The following SHANK1 variants were observed in gnomAD, a reference collection of about 807,000 sequenced individuals.
SHANK1 encodes the protein SH3 and multiple ankyrin repeat domains protein 1.
Under a neutral mutation model 165.6 loss-of-function variants are expected in SHANK1, and 35 were observed. That is an observed-to-expected ratio of 0.21 (90% CI 0.16 to 0.28). The LOEUF is 0.28. Among genes scored for constraint, SHANK1 ranks in the 10% least tolerant of loss-of-function variants. The pLI, the probability that SHANK1 is intolerant of heterozygous loss-of-function variation, is 1.00. For synonymous variants in SHANK1, 1,428 were observed against 1,384.8 expected (o/e 1.03, Z -0.69); for missense variants, 2,681 against 3,036.4 (o/e 0.88, Z 2.75).
At chr19:50,698,002 T>C (rs1212748795) in intron 12 of SHANK1, 46 bp from the exon 13 acceptor site, 44 of 1,388,762 alleles carry the variant, frequency 3.2e-5, no homozygotes, top group Non-Finnish European at 4.2e-5. Context: ...GTTTCTGTGC[T>C]GCCCCTCAAC....
rs781119957 is a variant in SHANK1 at position 50,666,491 on chromosome 19, T to A, written c.5469A>T (p.Pro1823=). The A allele has an allele frequency of 6.3e-7, 1 of 1,594,932 alleles. No homozygotes were observed. The highest frequency in any genetic ancestry group is 1.7e-5 in the Admixed American group (1 of 57,246). The change falls in exon 23 of 24, where the codon CCA becomes CCT. Residue 1823 remains proline, a synonymous_variant. Coordinates refer to ENST00000293441, the MANE Select transcript of SHANK1 (RefSeq NM_016148.5). The part of the protein sequence containing the change: ...GGPVAVEPEV[P]PVPLPTASSL... ...AGGAGGCCGTCGGCAAGGGCACCGG[T>A]GGGACTTCTGGCTCTACAGCCACCG...
intron 12 of SHANK1, among the ~76,000 whole-genome samples, chr19:50,700,914 A>G (rs1214642531): frequency 6.6e-6 from 1 of 152,044 alleles, no homozygotes; most frequent in African/African-American, 2.4e-5. Context: ...TTCACTCAAC[A>G]TATGTGCATT....
intron 8 of SHANK1, among the ~76,000 whole-genome samples, chr19:50,706,670 T>C (rs1455803335): frequency 6.6e-6 from 1 of 152,016 alleles, no homozygotes; most frequent in Non-Finnish European, 1.5e-5. Flanking sequence ...CCTCACTTCG[T>C]TCAGGCTTTT....
chr19:50,703,580 G>T lies in SHANK1; in HGVS notation c.1473C>A (p.Ser491Arg). 6.4e-7 allele frequency: 1 copy of T among 1,557,882 alleles called. No homozygotes were observed. Among genetic ancestry groups the T allele is most frequent in the Non-Finnish European group, 8.7e-7 (1 of 1,155,306 alleles). ...GAGAGCGGGCCCTGGCACCCCGGGG[G>T]CTGCTGGCACTTCGGAGGGTCCCGC... Reference protein sequence around the residue: ...LSSGTLRSASSPRGARARSPS... With the variant: ...LSSGTLRSASRPRGARARSPS... Residue 491 changes from serine (S) to arginine (R), a missense_variant, in exon 11 of 24, where the codon AGC (serine) becomes AGA (arginine). Transcript: ENST00000293441.
rs1297990731 is a variant in SHANK1, at chr19:50,703,573, C to T, written c.1480G>A (p.Gly494Ser). ...GTLRSASSPR[G>S]ARARSPSRGR... ...CGGGATGGAGAGCGGGCCCTGGCAC[C>T]CCGGGGGCTGCTGGCACTTCGGAGG... Residue 494 changes from glycine (G) to serine (S), a missense_variant, in exon 11 of 24, where the codon GGT becomes AGT. By Grantham distance (56) the Gly-to-Ser change is moderately conservative (BLOSUM62 0). This residue lies in a region of SHANK1 where 195 missense variants were observed against 186.2 expected (regional missense o/e 1.05). Coordinates refer to ENST00000293441, the MANE Select transcript of SHANK1 (RefSeq NM_016148.5). The T allele has an allele frequency of 1.9e-6, 3 of 1,556,302 alleles. No individual in the cohort carries two copies. The highest frequency in any genetic ancestry group is 2.4e-5 in the East Asian group (1 of 42,186).
chr19:50,661,701 C>G lies in SHANK1; in HGVS notation c.*264G>C. On this transcript the variant is annotated 3_prime_UTR_variant, in exon 24 of 24. Transcript: ENST00000293441. The stretch of plus-strand genomic sequence containing the variant: ...AGGCCCTTCCCTCCTTCTCAATTCC[C>G]CTCTGTAATTTCTCCTATCCCCCCT... The G allele has an allele frequency of 1.9e-6, 1 of 515,382 alleles. No homozygotes were observed. The highest frequency in any genetic ancestry group is 3.5e-6 in the Non-Finnish European group (1 of 286,720). 31.9% of individuals were successfully genotyped at this position (515,382 alleles called of 1,614,324 possible).
chr19:50,681,666 T>C (rs1986186669), intron 21 of SHANK1, among the ~76,000 whole-genome samples: 1 of 152,206 alleles, frequency 6.6e-6, no homozygotes, highest in African/African-American at 2.4e-5. Flanking sequence ...TTACACTCAG[T>C]CTGATACGCT....
chr19:50,685,293 G>C (rs1357211963), intron 21 of SHANK1, among the ~76,000 whole-genome samples: 1 of 152,212 alleles, frequency 6.6e-6, no homozygotes, highest in African/African-American at 2.4e-5. Flanking sequence ...GGCTGTGGCA[G>C]GACCATGGGT....
At chr19:50,695,188 A>G (rs889740955) in intron 15 of SHANK1, among the ~76,000 whole-genome samples, 1 of 119,128 alleles carries the variant, frequency 8.4e-6, no homozygotes, top group African/African-American at 3.1e-5. Context: ...GGGAGGGGGG[A>G]GGGGGAGGGG....
In SHANK1 at chr19:50,666,375, G is replaced by A. The variant is rs762867404; in HGVS notation, c.5585C>T (p.Ala1862Val). 4 of 1,613,604 alleles carry A rather than the reference G, an allele frequency of 2.5e-6. No homozygotes were observed. The East Asian group carries it at 8.9e-5, about 36-fold the overall frequency. ...PGPLAQPQASALATVKASIIS... is the reference protein window; with the variant it reads ...PGPLAQPQASVLATVKASIIS... The stretch of plus-strand genomic sequence containing the variant: ...GATGCTGGCTTTTACTGTGGCCAAG[G>A]CTGAGGCCTGAGGCTGGGCCAAGGG... The change falls in exon 23 of 24, where the codon GCC becomes GTC. Residue 1862 changes from alanine to valine, a missense_variant. By Grantham distance (64) the Ala-to-Val change is moderately conservative. Around this residue, in one of 10 missense-constraint regions of SHANK1, gnomAD observed 1,713 missense variants for 1,630.2 expected, o/e 1.05. Transcript: ENST00000293441.
At position 50,688,017 on chromosome 19, in the gene SHANK1, C is replaced by T; in HGVS notation, c.2214G>A (p.Val738=). 1 of 1,614,166 alleles carries T rather than the reference C, an allele frequency of 6.2e-7. No homozygotes were observed. Among genetic ancestry groups the T allele is most frequent in the Non-Finnish European group, 8.5e-7 (1 of 1,180,002 alleles). The change falls in exon 18 of 24, where the codon GTG becomes GTA. Residue 738 remains valine, a synonymous_variant. Transcript: ENST00000293441. The surrounding 1 kb of genome is among the most constrained non-coding windows in gnomAD (Gnocchi z 6.7). The part of the protein sequence containing the change: ...QNVVKVGHRQ[V]VNMIRQGGNT... ...TGCCCCCTTGGCGGATCATGTTCAC[C>T]ACCTGTCGGTGGCCGACCTTCACCA...
rs1021792081 is a variant in SHANK1, at chr19:50,690,495, C to T, written c.1965-1216G>A. ...AGAACACCCAGGAGTCACTGGAACG[C>T]GTGCTCTGCTGTGCTGAGCTTCCTT... On this transcript the variant is annotated intron_variant, in intron 15 of 23. Coordinates refer to ENST00000293441, the MANE Select transcript of SHANK1 (RefSeq NM_016148.5). This position sits in a 1 kb window ranked among gnomAD's most constrained non-coding sequence, Gnocchi z 4.9. 9.9e-5 allele frequency among the ~76,000 whole-genome samples: 15 copies of T among 152,284 alleles called. No homozygotes were observed. Among genetic ancestry groups the T allele is most frequent in the East Asian group, 7.7e-4 (4 of 5,178 alleles).
rs763448080 is a variant in SHANK1 at position 50,668,593 on chromosome 19, C to A, written c.3367G>T (p.Gly1123Cys). ...GACGGCGCGGGCGGGAGGCCGCCGCCCTTCTGGGGCTCGCCTTCCACCTTG... is the reference window on the plus strand; with the variant it reads ...GACGGCGCGGGCGGGAGGCCGCCGCACTTCTGGGGCTCGCCTTCCACCTTG... ...QTKVEGEPQKGGGLPPAPSPT... is the reference protein window; with the variant it reads ...QTKVEGEPQKCGGLPPAPSPT... Residue 1123 changes from glycine (G) to cysteine (C), a missense_variant, in exon 23 of 24, where the codon GGC becomes TGC. Physicochemically the swap from Gly to Cys is radical, Grantham distance 159. Coordinates refer to ENST00000293441, the MANE Select transcript of SHANK1 (RefSeq NM_016148.5). 7.4e-7 allele frequency: 1 copy of A among 1,358,198 alleles called. No homozygotes were observed. 84.1% of individuals were successfully genotyped at this position (1,358,198 alleles called of 1,614,324 possible). A position where few individuals can be genotyped will look rare whatever the true frequency, so the allele number is the denominator to read the frequency against.
rs1307851699 is a variant in SHANK1, at chr19:50,659,775, C to T, written c.*2190G>A. On this transcript the variant is annotated 3_prime_UTR_variant, in exon 24 of 24. Coordinates refer to ENST00000293441, the MANE Select transcript of SHANK1 (RefSeq NM_016148.5). ...ACTCCCCACCCCGACCTCTCCTCCCCCCCCCACCCCCTACACCCTCCCCAA... is the reference window on the plus strand; with the variant it reads ...ACTCCCCACCCCGACCTCTCCTCCCTCCCCCACCCCCTACACCCTCCCCAA... Among the ~76,000 whole-genome samples the T allele has an allele frequency of 7.0e-6, 1 of 142,962 alleles. No individual in the cohort carries two copies. The highest frequency in any genetic ancestry group is 1.5e-5 in the Non-Finnish European group (1 of 64,832). The allele number at this position is 142,962 out of a possible 152,430, so 93.8% of individuals were successfully genotyped here.
intron 3 of SHANK1, among the ~76,000 whole-genome samples, chr19:50,715,963 G>C (rs1039293840): frequency 1.3e-5 from 2 of 152,176 alleles, no homozygotes; most frequent in Non-Finnish European, 2.9e-5. Flanking sequence ...CCTTGAAGGA[G>C]GAGGAGTCTG....
rs567232722 is a variant in SHANK1 at position 50,686,105 on chromosome 19, G to C, written c.2577+132C>G. Reference sequence around the variant, plus strand: ...AGTTGGGAGAAAGGAGGAAACCCTAGGATGTGTGTCGCCCCTCCAGGACCA... The same window carrying C: ...AGTTGGGAGAAAGGAGGAAACCCTACGATGTGTGTCGCCCCTCCAGGACCA... On this transcript the variant is annotated intron_variant, in intron 21 of 23. Coordinates refer to ENST00000293441, the MANE Select transcript of SHANK1 (RefSeq NM_016148.5). This position sits in a 1 kb window ranked among gnomAD's most constrained non-coding sequence, Gnocchi z 5.7. The C allele has an allele frequency of 2.1e-6, 1 of 476,440 alleles. No individual in the cohort carries two copies. Among genetic ancestry groups the C allele is most frequent in the Admixed American group, 3.9e-5 (1 of 25,590 alleles). The allele number at this position is 476,440 out of a possible 1,614,324, so 29.5% of individuals were successfully genotyped here.
At chr19:50,684,614 A>G (rs1986277258) in intron 21 of SHANK1, among the ~76,000 whole-genome samples, 1 of 152,110 alleles carries the variant, frequency 6.6e-6, no homozygotes, top group South Asian at 2.1e-4. Context: ...CTTGTACAGG[A>G]AAAAAAATCC....
chr19:50,697,037 C>CG lies in SHANK1; in HGVS notation c.1964+58_1964+59insC. 1 of 1,455,992 alleles carries CG rather than the reference C, an allele frequency of 6.9e-7. No homozygotes were observed. The highest frequency in any genetic ancestry group is 1.1e-5 in the South Asian group (1 of 87,964). 90.2% of individuals were successfully genotyped at this position (1,455,992 alleles called of 1,614,324 possible). On this transcript the variant is annotated intron_variant, in intron 15 of 23. Transcript: ENST00000293441. This position sits in a 1 kb window ranked among gnomAD's most constrained non-coding sequence, Gnocchi z 4.7. The stretch of plus-strand genomic sequence containing the variant: ...GTCGTGCACACACGTTCACACGCCC[C>CG]CCAGGCACCCCGTCCTTCCCCTCCT...
Position 50,688,135 on chromosome 19 carries a change from G to GC in SHANK1, c.2173-78_2173-77insG. 1.3e-6 allele frequency: 2 copies of GC among 1,560,974 alleles called. No individual in the cohort carries two copies. The highest frequency in any genetic ancestry group is 1.7e-6 in the Non-Finnish European group (2 of 1,143,088). ...TTGCAGCTTCAGAGACCCCAAGGAGGATGCCTCCTGCGCTGCCCTGTCCAT... is the reference window on the plus strand; with the variant it reads ...TTGCAGCTTCAGAGACCCCAAGGAGGCATGCCTCCTGCGCTGCCCTGTCCAT... On this transcript the variant is annotated intron_variant, in intron 17 of 23. Coordinates refer to ENST00000293441, the MANE Select transcript of SHANK1 (RefSeq NM_016148.5). The surrounding 1 kb of genome is among the most constrained non-coding windows in gnomAD (Gnocchi z 6.7).
Sources: gnomAD v4.1 joint callset for allele counts (sites outside exome capture counted in the v4.1 genomes callset) on GRCh38, gnomAD v4.1.1 for gene constraint, gnomAD v4.1.1 regional missense constraint, Gnocchi (gnomAD v3.1) non-coding constraint, MANE v1.5 for transcripts, NCBI Gene and HGNC (gene_info 2026-07-23, HGNC 2026-07-21) for gene names.